CLSTN2: variants seen among roughly 807,000 people sequenced by gnomAD.
CLSTN2 encodes the protein calsyntenin 2.
Under a neutral mutation model 101.2 loss-of-function variants are expected in CLSTN2, and 48 were observed. The ratio of observed to expected loss-of-function variants is 0.47; its 90% CI spans 0.38 to 0.60. CLSTN2 has a LOEUF of 0.60. Ranked by LOEUF, CLSTN2 falls within the 20% of genes least tolerant of loss-of-function variation. The probability of loss-of-function intolerance (pLI) is 0.00; values close to 1 mark genes in which losing one functional copy is unlikely to be tolerated. For synonymous variants in CLSTN2, 481 were observed against 463.6 expected (o/e 1.04, Z -0.48); for missense variants, 1,160 against 1,238.2 (o/e 0.94, Z 0.95).
intron 2 of CLSTN2, among the ~76,000 whole-genome samples, chr3:140,259,555 A>G (rs991318279): frequency 1.3e-5 from 2 of 152,196 alleles, no homozygotes; most frequent in Non-Finnish European, 2.9e-5. Context: ...GTACAAATCC[A>G]TAAAACTATC....
At chr3:140,469,744 C>T (rs541563638) in intron 8 of CLSTN2, among the ~76,000 whole-genome samples, 16 of 152,114 alleles carry the variant, frequency 1.1e-4, no homozygotes, top group African/African-American at 2.4e-4. Flanking sequence ...ACATGGTTGG[C>T]GCCTAGTAAA....
chr3:140,341,392 C>G (rs188944920), intron 2 of CLSTN2, among the ~76,000 whole-genome samples: 97 of 152,324 alleles, frequency 6.4e-4, no homozygotes, highest in African/African-American at 2.3e-3. Context: ...GCCTGCCTTG[C>G]AGAGGGTGTA....
intron 10 of CLSTN2, among the ~76,000 whole-genome samples, chr3:140,550,055 A>G (rs1481544963): frequency 6.6e-6 from 1 of 151,040 alleles, no homozygotes; most frequent in Non-Finnish European, 1.5e-5. Context: ...TTTCATCTCC[A>G]TCATGTGGAA....
At chr3:140,396,011 C>T (rs887766057) in intron 2 of CLSTN2, among the ~76,000 whole-genome samples, 20 of 152,164 alleles carry the variant, frequency 1.3e-4, no homozygotes, top group African/African-American at 3.9e-4. Flanking sequence ...CCAGGAAGAC[C>T]GCCTTCATGT....
chr3:140,221,397 C>G (rs545035681), intron 2 of CLSTN2, among the ~76,000 whole-genome samples: 140 of 152,022 alleles, frequency 9.2e-4, no homozygotes, highest in Non-Finnish European at 1.7e-3. Context: ...TTACACACAC[C>G]ATATTACATT....
chr3:140,394,576 A>G (rs976804707), intron 2 of CLSTN2, among the ~76,000 whole-genome samples: 1 of 152,220 alleles, frequency 6.6e-6, no homozygotes, highest in African/African-American at 2.4e-5. Context: ...CTGTGTTCTC[A>G]CAATACCCAG....
chr3:140,392,887 T>A (rs1420052509), intron 2 of CLSTN2, among the ~76,000 whole-genome samples: 2 of 152,038 alleles, frequency 1.3e-5, no homozygotes, highest in Admixed American at 1.3e-4. Context: ...AAGTCCATGG[T>A]CGAGGGGCCA....
chr3:140,557,403 A>G (rs1031218825), intron 11 of CLSTN2, among the ~76,000 whole-genome samples: 7 of 152,226 alleles, frequency 4.6e-5, no homozygotes, highest in African/African-American at 1.4e-4. Flanking sequence ...GTTACATTCA[A>G]TAGTTCTAGA....
At chr3:140,244,138 G>A (rs1403507820) in intron 2 of CLSTN2, among the ~76,000 whole-genome samples, 1 of 152,224 alleles carries the variant, frequency 6.6e-6, no homozygotes, top group Non-Finnish European at 1.5e-5. Flanking sequence ...CAGGAGCAGA[G>A]TTGTCAAGCC....
chr3:140,522,385 G>T (rs181537816), intron 8 of CLSTN2, among the ~76,000 whole-genome samples: 1 of 152,206 alleles, frequency 6.6e-6, no homozygotes, highest in African/African-American at 2.4e-5. Context: ...GCCTGAGGCC[G>T]TATGGCCTCG....
chr3:139,962,713 T>C (rs1935532712), intron 1 of CLSTN2, among the ~76,000 whole-genome samples: 1 of 152,226 alleles, frequency 6.6e-6, no homozygotes. Context: ...ATTCATCTGT[T>C]GTTGCATTAA....
chr3:139,952,587 C>A (rs966987311), intron 1 of CLSTN2, among the ~76,000 whole-genome samples: 1 of 152,056 alleles, frequency 6.6e-6, no homozygotes, highest in African/African-American at 2.4e-5. Context: ...CAGTAAAAAC[C>A]TGAGATTTTA....
intron 2 of CLSTN2, among the ~76,000 whole-genome samples, chr3:140,196,655 A>G (rs554768918): frequency 7.9e-5 from 12 of 152,286 alleles, no homozygotes; most frequent in African/African-American, 2.9e-4. Flanking sequence ...AAACATCCAC[A>G]GTGGGGGTAG....
chr3:140,013,401 T>C (rs1402025820), intron 1 of CLSTN2, among the ~76,000 whole-genome samples: 1 of 152,180 alleles, frequency 6.6e-6, no homozygotes, highest in East Asian at 1.9e-4. Flanking sequence ...GCCTAGCTAC[T>C]TGTTCCGGCT....
At chr3:140,006,786 C>T (rs543091474) in intron 1 of CLSTN2, among the ~76,000 whole-genome samples, 5 of 152,056 alleles carry the variant, frequency 3.3e-5, no homozygotes, top group Non-Finnish European at 5.9e-5. Flanking sequence ...TTTATAAGTG[C>T]AGTGTCTGGT....
chr3:140,540,771 T>G (rs1165878504), intron 9 of CLSTN2, among the ~76,000 whole-genome samples: 1 of 152,180 alleles, frequency 6.6e-6, no homozygotes, highest in Non-Finnish European at 1.5e-5. Flanking sequence ...ACTACATAGA[T>G]GCGTGCATAT....
At chr3:140,524,250 G>A (rs866812539) in intron 8 of CLSTN2, among the ~76,000 whole-genome samples, 1 of 151,886 alleles carries the variant, frequency 6.6e-6, no homozygotes, top group Non-Finnish European at 1.5e-5. Flanking sequence ...AGTACCTGTA[G>A]AACATCCAAG....
chr3:140,069,135 C>A (rs1435443073), intron 1 of CLSTN2, among the ~76,000 whole-genome samples: 1 of 152,162 alleles, frequency 6.6e-6, no homozygotes, highest in Non-Finnish European at 1.5e-5. Flanking sequence ...TAAGTCTTGC[C>A]TGAGATCTAA....
chr3:140,119,190 C>A (rs2009298148), intron 1 of CLSTN2, among the ~76,000 whole-genome samples: 1 of 152,188 alleles, frequency 6.6e-6, no homozygotes, highest in Admixed American at 6.5e-5. Flanking sequence ...CTCCAAACTG[C>A]TTTCTCCTAG....
Sources: allele counts gnomAD v4.1 joint callset (sites outside exome capture counted in the v4.1 genomes callset), GRCh38; gene constraint gnomAD v4.1.1; transcripts MANE v1.5; gene names NCBI Gene and HGNC (gene_info 2026-07-23, HGNC 2026-07-21).